Variants in MRPS15 observed in about 807,000 individuals in gnomAD.
The protein encoded by MRPS15 is mitochondrial ribosomal protein S15.
Under a neutral mutation model 30.7 loss-of-function variants are expected in MRPS15, and 25 were observed. The ratio of observed to expected loss-of-function variants is 0.81; its 90% CI spans 0.59 to 1.14. The LOEUF is 1.14. Among genes scored for constraint, MRPS15 ranks in the 50% most tolerant of loss-of-function variants. The probability of loss-of-function intolerance (pLI) is 0.00; values close to 1 mark genes in which losing one functional copy is unlikely to be tolerated. For synonymous variants in MRPS15, 124 were observed against 120.1 expected (o/e 1.03, Z -0.21); for missense variants, 313 against 321.7 (o/e 0.97, Z 0.21).
chr1:36,457,573 AAAG>A (rs1382057629), intron 6 of MRPS15, among the ~76,000 whole-genome samples: 3 of 152,212 alleles, frequency 2.0e-5, no homozygotes, highest in Non-Finnish European at 4.4e-5. Flanking sequence ...ATCTTATTGA[AAAG>A]AAAACTGAGG....
intron 2 of MRPS15, 112 bp downstream of exon 2, chr1:36,463,694 C>T (rs1557582210): frequency 7.7e-7 from 1 of 1,302,598 alleles, no homozygotes; most frequent in East Asian, 2.5e-5. Flanking sequence ...TTGCTCAGGA[C>T]CTCTGGCTCA....
Position 36,460,677 on chromosome 1 carries a change from G to C in MRPS15, c.385+15C>G, listed in dbSNP as rs1570569925. ...GCTTCCCTACACCCCCACTCCCCAA[G>C]GGTCCCCGACCAACTTCGAGCCTCC... On this transcript the variant is annotated intron_variant, in intron 5 of 7. Transcript: ENST00000373116. The C allele has an allele frequency of 1.2e-6, 2 of 1,610,546 alleles. No individual in the cohort carries two copies. The highest frequency in any genetic ancestry group is 4.5e-5 in the East Asian group (2 of 44,860).
chr1:36,460,833 C>T, intron 4 of MRPS15, 57 bp from the exon 5 acceptor site: 2 of 1,422,624 alleles, frequency 1.4e-6, no homozygotes, highest in Non-Finnish European at 2.0e-6. Flanking sequence ...TAAGAACTAG[C>T]CCTCCTCCCC....
chr1:36,464,038 C>T, intron 1 of MRPS15, 108 bp downstream of exon 1: 2 of 1,540,244 alleles, frequency 1.3e-6, no homozygotes, highest in Non-Finnish European at 1.8e-6. Flanking sequence ...CGCCCTTTCC[C>T]CCTTATCCTG....
At position 36,455,945 on chromosome 1, in the gene MRPS15, G is replaced by C; in HGVS notation, c.637-20C>G. 1 of 1,610,112 alleles carries C rather than the reference G, an allele frequency of 6.2e-7. No individual in the cohort carries two copies. The highest frequency in any genetic ancestry group is 8.5e-7 in the Non-Finnish European group (1 of 1,179,200). On this transcript the variant is annotated intron_variant, in intron 7 of 7. Transcript: ENST00000373116. The stretch of plus-strand genomic sequence containing the variant: ...GAAAACCTGGGGATGAAAAGGGGCA[G>C]AAAAAGACCTTGTAATCCTGTGCAA...
intron 5 of MRPS15, among the ~76,000 whole-genome samples, chr1:36,460,099 C>A (rs1650065471): frequency 6.6e-6 from 1 of 152,174 alleles, no homozygotes; most frequent in African/African-American, 2.4e-5. Flanking sequence ...CAAGCTCCGC[C>A]TCCCAGGTTC....
chr1:36,463,753 A>G (rs1414375624), intron 2 of MRPS15, 53 bp downstream of exon 2: 10 of 1,579,410 alleles, frequency 6.3e-6, no homozygotes, highest in Admixed American at 1.8e-5. Flanking sequence ...TACCCACCCC[A>G]GCCTTCCAGG....
chr1:36,456,539 C>T (rs1377472732), intron 6 of MRPS15, 161 bp from the exon 7 acceptor site: 5 of 714,374 alleles, frequency 7.0e-6, no homozygotes, highest in African/African-American at 5.4e-5. Flanking sequence ...TCCCATTTTA[C>T]AGATGAGAAA....
chr1:36,463,417 A>G (rs1226560264), intron 2 of MRPS15, among the ~76,000 whole-genome samples: 33 of 152,242 alleles, frequency 2.2e-4, no homozygotes, highest in Admixed American at 2.1e-3. Context: ...GAGAGGAAGT[A>G]CCTTGCCCCA....
In MRPS15 at chr1:36,458,109, A is replaced by C; in HGVS notation, c.386-128T>G. ...TCTGTACAGCTCTCTATAAATCCCA[A>C]ATCACTCTGAATTTCAAGATTTCAA... On this transcript the variant is annotated intron_variant, in intron 5 of 7. Transcript: ENST00000373116. This position sits in a 1 kb window ranked among gnomAD's most constrained non-coding sequence, Gnocchi z 4.5. 1 of 711,774 alleles carries C rather than the reference A, an allele frequency of 1.4e-6. No homozygotes were observed. Among genetic ancestry groups the C allele is most frequent in the Non-Finnish European group, 2.4e-6 (1 of 418,054 alleles). The allele number at this position is 711,774 out of a possible 1,614,324, so 44.1% of individuals were successfully genotyped here.
Position 36,456,329 on chromosome 1 carries a change from T to A in MRPS15, c.494A>T (p.Lys165Met). The change falls in exon 7 of 8, where the codon AAG becomes ATG. Residue 165 changes from lysine to methionine, a missense_variant. By Grantham distance (95) the Lys-to-Met change is moderately conservative. Transcript: ENST00000373116. ...YLLMSIDQRKKMLKNLRNTNY... is the reference protein window; with the variant it reads ...YLLMSIDQRKMMLKNLRNTNY... ...GGTGTTACGGAGGTTTTTGAGCATC[T>A]TTTTCCTCTGGTCAATGCTCATTAG... 1 of 1,614,056 alleles carries A rather than the reference T, an allele frequency of 6.2e-7. No individual in the cohort carries two copies. The highest frequency in any genetic ancestry group is 8.5e-7 in the Non-Finnish European group (1 of 1,179,976).
At chr1:36,459,990 C>T (rs1650063257) in intron 5 of MRPS15, among the ~76,000 whole-genome samples, 2 of 152,172 alleles carry the variant, frequency 1.3e-5, no homozygotes, top group African/African-American at 2.4e-5. Context: ...CTGTCTGGCA[C>T]AAGAGGGTTC....
At chr1:36,462,191 C>T in intron 2 of MRPS15, 28 bp from the exon 3 acceptor site, 1 of 1,569,968 alleles carries the variant, frequency 6.4e-7, no homozygotes, top group Non-Finnish European at 8.7e-7. Context: ...GGATAGAAAA[C>T]ACCCAGAGTC....
At chr1:36,463,675 T>G in intron 2 of MRPS15, 131 bp downstream of exon 2, 2 of 1,025,276 alleles carry the variant, frequency 2.0e-6, no homozygotes, top group South Asian at 3.3e-5. Context: ...AAGGTGGACG[T>G]GGGGTCTTTT....
In MRPS15 at chr1:36,462,145, T is replaced by C. The variant is rs2124083790; in HGVS notation, c.194A>G (p.Asp65Gly). 3 of 1,613,014 alleles carry C rather than the reference T, an allele frequency of 1.9e-6. No homozygotes were observed. The highest frequency in any genetic ancestry group is 1.3e-5 in the African/African-American group (1 of 74,998). The change falls in exon 3 of 8, where the codon GAT becomes GGT. Residue 65 changes from aspartate (D) to glycine (G), a missense_variant. Transcript: ENST00000373116. ...GAGCAGCGTAGAGGGAGGTGGGTCATCATCCAGCCTAGACTGGGCTGTCAA... is the reference window on the plus strand; with the variant it reads ...GAGCAGCGTAGAGGGAGGTGGGTCACCATCCAGCCTAGACTGGGCTGTCAA... ...VRKPAQSRLD[D>G]DPPPSTLLKD...
At chr1:36,463,247 G>GT (rs1650133532) in intron 2 of MRPS15, among the ~76,000 whole-genome samples, 1 of 152,240 alleles carries the variant, frequency 6.6e-6, no homozygotes, top group South Asian at 2.1e-4. Context: ...GATTACAGGC[G>GT]TAAGCCACCG....
At chr1:36,462,864 G>A (rs2124084553) in intron 2 of MRPS15, among the ~76,000 whole-genome samples, 1 of 152,256 alleles carries the variant, frequency 6.6e-6, no homozygotes, top group South Asian at 2.1e-4. Flanking sequence ...TAGAGACTGG[G>A]TCTTGCTATG....
Position 36,455,932 on chromosome 1 carries a change from A to G in MRPS15, c.637-7T>C, listed in dbSNP as rs2275480. 0.1 allele frequency: 165,383 copies of G among 1,611,760 alleles called. 9,406 individuals are homozygous for G. Among genetic ancestry groups the G allele is most frequent in the East Asian group, 0.26 (11,838 of 44,858 alleles). ...TTTGAGTCTCCTGGAAAACCTGGGG[A>G]TGAAAAGGGGCAGAAAAAGACCTTG... On this transcript the variant is annotated splice_region_variant and splice_polypyrimidine_tract_variant and intron_variant, in intron 7 of 7. Transcript: ENST00000373116.
chr1:36,463,897 C>T (rs754422932), intron 1 of MRPS15, 47 bp from the exon 2 acceptor site: 7 of 1,583,298 alleles, frequency 4.4e-6, no homozygotes, highest in Non-Finnish European at 6.0e-6. Context: ...AAATAGCCCA[C>T]CCCTCAGTTC....
Sources: allele counts gnomAD v4.1 joint callset (sites outside exome capture counted in the v4.1 genomes callset), GRCh38; gene constraint gnomAD v4.1.1; non-coding constraint Gnocchi (gnomAD v3.1); transcripts MANE v1.5; gene names NCBI Gene and HGNC (gene_info 2026-07-23, HGNC 2026-07-21).